The following RUBCN variants were observed in gnomAD, a reference collection of about 807,000 sequenced individuals.
The protein encoded by RUBCN is run domain Beclin-1-interacting and cysteine-rich domain-containing protein.
RUBCN carries 74 observed loss-of-function variants against 113.2 expected under a neutral mutation model. The ratio of observed to expected loss-of-function variants is 0.65; its 90% CI spans 0.54 to 0.79. RUBCN has a LOEUF of 0.79. RUBCN is among the 30% of genes least tolerant of loss of function. The probability of loss-of-function intolerance (pLI) is 0.00; values close to 1 mark genes in which losing one functional copy is unlikely to be tolerated. For missense variants in RUBCN, 1,109 were observed against 1,251.7 expected (o/e 0.89, Z 1.72); for synonymous variants, 480 against 490.0 (o/e 0.98, Z 0.27).
intron 2 of RUBCN, among the ~76,000 whole-genome samples, chr3:197,717,230 T>C (rs890130430): frequency 2.0e-5 from 3 of 150,202 alleles, no homozygotes; most frequent in African/African-American, 5.0e-5. Flanking sequence ...GTCAGGAGAT[T>C]GAGACCACTG....
rs1724144713 is a variant in RUBCN, at chr3:197,705,122, G to A, written c.273C>T (p.Leu91=). The change falls in exon 3 of 20, where the codon CTC becomes CTT. Residue 91 remains leucine, a synonymous_variant. Transcript: ENST00000296343. The part of the protein sequence containing the change: ...YWQFVKDIRW[L]SPHSALHVEK... ...CCACGTGAAGGGCTGAGTGGGGACT[G>A]AGCCACCGGATGTCTTTCACGAACT... 2 of 1,614,076 alleles carry A rather than the reference G, an allele frequency of 1.2e-6. No individual in the cohort carries two copies. Among genetic ancestry groups the A allele is most frequent in the Non-Finnish European group, 8.5e-7 (1 of 1,179,958 alleles).
intron 1 of RUBCN, 113 bp downstream of exon 1, chr3:197,736,542 G>T: frequency 1.2e-6 from 1 of 843,782 alleles, no homozygotes; most frequent in Non-Finnish European, 1.8e-6. Flanking sequence ...CGCAGCCGTC[G>T]TCCTCAAGAC....
chr3:197,688,240 C>T (rs9868422), intron 11 of RUBCN, among the ~76,000 whole-genome samples: 24,925 of 152,056 alleles, frequency 0.16, 3,158 homozygotes, highest in African/African-American at 0.35. Flanking sequence ...TTGGCCATGT[C>T]GGTCTCAAAC....
At chr3:197,732,342 C>T (rs1727611580) in intron 1 of RUBCN, among the ~76,000 whole-genome samples, 1 of 152,212 alleles carries the variant, frequency 6.6e-6, no homozygotes, top group African/African-American at 2.4e-5. Flanking sequence ...TGAGACGAGT[C>T]TCACTCTGTC....
At chr3:197,724,563 T>C (rs895056567) in intron 1 of RUBCN, among the ~76,000 whole-genome samples, 3 of 152,212 alleles carry the variant, frequency 2.0e-5, no homozygotes, top group African/African-American at 7.2e-5. Context: ...CAGTGAGCTC[T>C]TTATCTGGGA....
In RUBCN at chr3:197,681,226, T is replaced by C. The variant is rs137890167; in HGVS notation, c.2333A>G (p.Lys778Arg). The C allele has an allele frequency of 1.3e-4, 204 of 1,614,132 alleles. No individual in the cohort carries two copies. In the African/African-American group the frequency reaches 2.5e-3, roughly 20 times the overall value. The change falls in exon 16 of 20, where the codon AAG becomes AGG. Residue 778 changes from lysine (K) to arginine (R), a missense_variant. Physicochemically the swap from Lys to Arg is conservative, Grantham distance 26 (BLOSUM62 2). This residue lies in a region of RUBCN where 306 missense variants were observed against 348.9 expected (regional missense o/e 0.88). Coordinates refer to ENST00000296343, the MANE Select transcript of RUBCN (RefSeq NM_014687.4). This position sits in a 1 kb window ranked among gnomAD's most constrained non-coding sequence, Gnocchi z 5.5. The part of the protein sequence containing the change: ...FSKYYVSNFS[K>R]DLLIKIWNDP... ...ATTCCAGATCTTAATGAGCAGGTCC[T>C]TGGAGAAGTTGCTGACGTAGTACTT...
chr3:197,736,864 G>A lies in RUBCN; in HGVS notation c.-145C>T. On this transcript the variant is annotated 5_prime_UTR_variant, in exon 1 of 20. Coordinates refer to ENST00000296343, the MANE Select transcript of RUBCN (RefSeq NM_014687.4). ...GCGCTACACCCGGGCGGCGACAGCG[G>A]GAGGGACCGCCGCCTGGGCTGCGGC... 1.5e-6 allele frequency: 2 copies of A among 1,378,110 alleles called. No individual in the cohort carries two copies. Among genetic ancestry groups the A allele is most frequent in the Non-Finnish European group, 1.9e-6 (2 of 1,073,580 alleles). The allele number at this position is 1,378,110 out of a possible 1,614,324, so 85.4% of individuals were successfully genotyped here.
intron 16 of RUBCN, among the ~76,000 whole-genome samples, chr3:197,678,229 G>A (rs1417863547): frequency 6.7e-6 from 1 of 149,744 alleles, no homozygotes; most frequent in Non-Finnish European, 1.5e-5. Flanking sequence ...GCTCTAACTC[G>A]ATACCTGGCT....
At chr3:197,678,884 C>T (rs539333599) in intron 16 of RUBCN, among the ~76,000 whole-genome samples, 14 of 144,364 alleles carry the variant, frequency 9.7e-5, no homozygotes, top group Non-Finnish European at 1.9e-4. Flanking sequence ...TGACAACTGG[C>T]TCCAGACTGT....
upstream of RUBCN, among the ~76,000 whole-genome samples, chr3:197,739,676 A>G (rs141243905): frequency 0.012 from 1,859 of 151,996 alleles, 28 homozygotes; most frequent in South Asian, 0.031. Context: ...TCCAGCCTGG[A>G]AGACAGAGCT....
At chr3:197,700,116 C>T (rs1360458047) in intron 7 of RUBCN, among the ~76,000 whole-genome samples, 1 of 152,146 alleles carries the variant, frequency 6.6e-6, no homozygotes, top group Non-Finnish European at 1.5e-5. Context: ...ATCAGTGATG[C>T]GGCCGTCAGC....
chr3:197,716,092 CT>C (rs1283669667), intron 2 of RUBCN, among the ~76,000 whole-genome samples: 1 of 152,162 alleles, frequency 6.6e-6, no homozygotes, highest in Non-Finnish European at 1.5e-5. Flanking sequence ...CAGGGAAGTA[CT>C]TTTAATGTCA....
chr3:197,698,495 G>A (rs1450321041), intron 7 of RUBCN, among the ~76,000 whole-genome samples: 5 of 151,984 alleles, frequency 3.3e-5, no homozygotes, highest in Admixed American at 6.6e-5. Flanking sequence ...TGCAATAGCT[G>A]GAATGGGGTG....
At chr3:197,729,239 G>T (rs1380621245) in intron 1 of RUBCN, among the ~76,000 whole-genome samples, 1 of 147,710 alleles carries the variant, frequency 6.8e-6, no homozygotes, top group East Asian at 2.0e-4. Context: ...CATTGCTTTT[G>T]TTTTTTTTGT....
chr3:197,696,636 C>A (rs1483001333), intron 8 of RUBCN, among the ~76,000 whole-genome samples: 1 of 152,172 alleles, frequency 6.6e-6, no homozygotes, highest in East Asian at 1.9e-4. Flanking sequence ...GGTTACTAAG[C>A]CCAGATACTC....
chr3:197,680,488 C>A, intron 16 of RUBCN, among the ~76,000 whole-genome samples: 1 of 150,984 alleles, frequency 6.6e-6, no homozygotes, highest in Admixed American at 6.6e-5. Flanking sequence ...GACTGTCCTA[C>A]GCTCTAACTC....
chr3:197,703,729 GGA>G, intron 4 of RUBCN, 75 bp from the exon 5 acceptor site: 1 of 875,316 alleles, frequency 1.1e-6, no homozygotes, highest in Non-Finnish European at 1.9e-6. Flanking sequence ...AAGCAGAAAG[GGA>G]GAGGTAAGGA....
At chr3:197,709,632 G>A (rs1456398498) in intron 2 of RUBCN, among the ~76,000 whole-genome samples, 1 of 151,830 alleles carries the variant, frequency 6.6e-6, no homozygotes, top group African/African-American at 2.4e-5. Flanking sequence ...CGCCTGCCTC[G>A]GCCTCCCAAA....
intron 2 of RUBCN, among the ~76,000 whole-genome samples, chr3:197,715,577 C>A (rs1725435627): frequency 6.6e-6 from 1 of 152,106 alleles, no homozygotes; most frequent in African/African-American, 2.4e-5. Flanking sequence ...ACATACCACA[C>A]CAACCCTAGA....
Sources: gnomAD v4.1 joint callset for allele counts (sites outside exome capture counted in the v4.1 genomes callset) on GRCh38, gnomAD v4.1.1 for gene constraint, gnomAD v4.1.1 regional missense constraint, Gnocchi (gnomAD v3.1) non-coding constraint, MANE v1.5 for transcripts, NCBI Gene and HGNC (gene_info 2026-07-23, HGNC 2026-07-21) for gene names.